FERMT1: variants seen among roughly 807,000 people sequenced by gnomAD.
FERMT1 encodes fermitin family homolog 1.
In FERMT1, 60 loss-of-function variants were observed where a neutral mutation model predicts 85.3. The observed-to-expected ratio is 0.70, with a 90% CI of 0.57 to 0.87. FERMT1 has a LOEUF of 0.87. Ranked by LOEUF, FERMT1 falls within the 40% of genes least tolerant of loss-of-function variation. The pLI is 0.00. For synonymous variants in FERMT1, 275 were observed against 301.1 expected, an observed-to-expected ratio of 0.91 and a Z score of 0.90; for missense variants, 701 against 818.9, an observed-to-expected ratio of 0.86 and a Z score of 1.76.
rs182847378 is a variant in FERMT1, at chr20:6,086,267, C to A, written c.1372-980G>T. ...TTCATATCACATCTGGTCTCTACGC[C>A]CAAAAGAAAATGATGAAAAAAATTA... is the stretch of plus-strand genomic sequence containing the variant. On this transcript the variant is annotated intron_variant, in intron 11 of 14. Coordinates refer to ENST00000217289, the MANE Select transcript of FERMT1 (RefSeq NM_017671.5). Among the ~76,000 whole-genome samples the A allele has an allele frequency of 5.6e-3, 852 of 152,202 alleles. 6 individuals are homozygous for A. The highest frequency in any genetic ancestry group is 0.019 in the African/African-American group (795 of 41,516).
At chr20:6,106,263 C>A (rs1032537918) in intron 6 of FERMT1, among the ~76,000 whole-genome samples, 6 of 152,074 alleles carry the variant, frequency 3.9e-5, no homozygotes, top group African/African-American at 1.4e-4. Flanking sequence ...TGAGCAGGAA[C>A]CTCTCCTTAG....
chr20:6,120,915 C>G (rs555118267), intron 1 of FERMT1, among the ~76,000 whole-genome samples: 1 of 152,112 alleles, frequency 6.6e-6, no homozygotes, highest in Middle Eastern at 3.2e-3. Context: ...TGGTAATATC[C>G]GAGGAACATT....
rs529395851 is a variant in FERMT1, at chr20:6,075,055, T to G, written c.*2118A>C. 3.3e-5 allele frequency: 5 copies of G among 151,754 alleles called. No individual in the cohort carries two copies. The highest frequency in any genetic ancestry group is 9.7e-5 in the African/African-American group (4 of 41,224). 9.4% of individuals were successfully genotyped at this position (151,754 alleles called of 1,614,324 possible). On this transcript the variant is annotated 3_prime_UTR_variant, in exon 15 of 15. Coordinates refer to ENST00000217289, the MANE Select transcript of FERMT1 (RefSeq NM_017671.5). ...AACAGTAGCATTTAGGTTTGTTTTT[T>G]TTTTTTTTTGTCACACTTGTTTATT...
chr20:6,082,315 A>T (rs6053890), intron 13 of FERMT1, among the ~76,000 whole-genome samples: 63,803 of 151,972 alleles, frequency 0.42, 13,712 homozygotes, highest in East Asian at 0.62. Context: ...AGGTTCGGAG[A>T]GCCCACTGGA....
rs1045240689 is a variant in FERMT1, at chr20:6,077,468, C to T, written c.1861-122G>A. On this transcript the variant is annotated intron_variant, in intron 14 of 14. Transcript: ENST00000217289. Reference sequence around the variant, plus strand: ...AGGTGGATAACAGATGGATATCCCTCTAAAACACACAGAAAACCATCACTT... The same window carrying T: ...AGGTGGATAACAGATGGATATCCCTTTAAAACACACAGAAAACCATCACTT... 5.0e-5 allele frequency: 43 copies of T among 856,940 alleles called. No individual in the cohort carries two copies. The South Asian group carries it at 5.1e-4, about 10-fold the overall frequency. 53.1% of individuals were successfully genotyped at this position (856,940 alleles called of 1,614,324 possible).
In FERMT1 at chr20:6,082,484, G is replaced by T. The variant is rs543654409; in HGVS notation, c.1718+1556C>A. Among the ~76,000 whole-genome samples, 3 of 152,312 alleles carry T rather than the reference G, an allele frequency of 2.0e-5. No individual in the cohort carries two copies. The South Asian group carries it at 6.2e-4, about 32-fold the overall frequency. On this transcript the variant is annotated intron_variant, in intron 13 of 14. Coordinates refer to ENST00000217289, the MANE Select transcript of FERMT1 (RefSeq NM_017671.5). ...TTCAGGGTTACAGGTGAGTGTGTGT[G>T]TGTCCGCACATGGACACATATGCGC...
chr20:6,110,654 T>C (rs113986512), intron 4 of FERMT1, 143 bp from the exon 5 acceptor site: 37 of 716,970 alleles, frequency 5.2e-5, no homozygotes, highest in African/African-American at 4.7e-4. Context: ...AGCTGGGCAC[T>C]GTGGCCCGCG....
intron 6 of FERMT1, among the ~76,000 whole-genome samples, chr20:6,103,377 G>A (rs544310509): frequency 2.0e-5 from 3 of 152,008 alleles, no homozygotes; most frequent in Non-Finnish European, 4.4e-5. Context: ...TATAATAACC[G>A]CCCCTGTATA....
At chr20:6,080,155 A>AT (rs869283207) in intron 13 of FERMT1, among the ~76,000 whole-genome samples, 8 of 150,848 alleles carry the variant, frequency 5.3e-5, no homozygotes, top group South Asian at 2.1e-4. Flanking sequence ...ACTTAAAAAA[A>AT]TTTTTTTTTT....
intron 9 of FERMT1, among the ~76,000 whole-genome samples, chr20:6,092,408 T>A (rs985800361): frequency 6.6e-6 from 1 of 152,090 alleles, no homozygotes; most frequent in Non-Finnish European, 1.5e-5. Flanking sequence ...CCAGGCATGG[T>A]GGCACATGCC....
chr20:6,096,930 A>T lies in FERMT1; in HGVS notation c.1061T>A (p.Leu354Gln). Reference sequence around the variant, plus strand: ...AAGGCTGTCCGCTTTTCCACCTTCTAGGGTTACTTCCAAATTAGAAAGCGC... The same window carrying T: ...AAGGCTGTCCGCTTTTCCACCTTCTTGGGTTACTTCCAAATTAGAAAGCGC... ...EAALSNLEVT[L>Q]EGGKADSLLE... Residue 354 changes from leucine (L) to glutamine (Q), a missense_variant, in exon 8 of 15, where the codon CTA becomes CAA. By Grantham distance (113) the Leu-to-Gln change is moderately radical. Transcript: ENST00000217289. 17 of 1,613,772 alleles carry T rather than the reference A, an allele frequency of 1.1e-5. No homozygotes were observed. Among genetic ancestry groups the T allele is most frequent in the Non-Finnish European group, 1.4e-5 (16 of 1,179,842 alleles).
intron 11 of FERMT1, among the ~76,000 whole-genome samples, chr20:6,086,723 G>A (rs1487820935): frequency 6.6e-6 from 1 of 152,042 alleles, no homozygotes; most frequent in Non-Finnish European, 1.5e-5. Context: ...AAAAGTGTGT[G>A]GCACTTCCCC....
intron 2 of FERMT1, among the ~76,000 whole-genome samples, chr20:6,117,176 C>A (rs1020138685): frequency 3.9e-5 from 6 of 152,146 alleles, no homozygotes; most frequent in African/African-American, 1.4e-4. Flanking sequence ...ATATTGGAGT[C>A]AATTTTCAAT....
At chr20:6,119,127 T>C (rs1202581880) in intron 2 of FERMT1, among the ~76,000 whole-genome samples, 2 of 152,118 alleles carry the variant, frequency 1.3e-5, no homozygotes, top group Non-Finnish European at 2.9e-5. Flanking sequence ...TTTGTGTTTT[T>C]AGTAGGGATG....
At chr20:6,086,156 G>T (rs1231747381) in intron 11 of FERMT1, among the ~76,000 whole-genome samples, 1 of 149,512 alleles carries the variant, frequency 6.7e-6, no homozygotes, top group Non-Finnish European at 1.5e-5. Context: ...AAAAAAAAAA[G>T]GTCCAAGGAC....
Position 6,078,186 on chromosome 20 carries a change from T to C in FERMT1, c.1861-840A>G, listed in dbSNP as rs150719613. ...GTTCCTCCTCCCAGAGATTCAGATT[T>C]AACTGGCCTTGGGTGTGGTCTAGGC... is the stretch of plus-strand genomic sequence containing the variant. On this transcript the variant is annotated intron_variant, in intron 14 of 14. Transcript: ENST00000217289. 2.7e-3 allele frequency among the ~76,000 whole-genome samples: 411 copies of C among 152,350 alleles called. 1 individual carries two copies. The highest frequency in any genetic ancestry group is 0.01 in the Middle Eastern group (3 of 294).
chr20:6,116,345 G>A (rs1399408620), intron 2 of FERMT1, among the ~76,000 whole-genome samples: 2 of 151,772 alleles, frequency 1.3e-5, no homozygotes, highest in Non-Finnish European at 2.9e-5. Context: ...TTCTGCACAT[G>A]TATCCCAGAA....
chr20:6,078,682 C>G (rs1981906136), intron 14 of FERMT1, among the ~76,000 whole-genome samples: 1 of 144,176 alleles, frequency 6.9e-6, no homozygotes, highest in Non-Finnish European at 1.5e-5. Flanking sequence ...GAGACAGGGT[C>G]TCATTATGTT....
chr20:6,094,767 C>G (rs1982456890), intron 9 of FERMT1, among the ~76,000 whole-genome samples, 172 bp downstream of exon 9: 1 of 152,122 alleles, frequency 6.6e-6, no homozygotes, highest in Non-Finnish European at 1.5e-5. Flanking sequence ...GGTCACCTAG[C>G]TGGTGTGTGT....
Sources: allele counts gnomAD v4.1 joint callset (sites outside exome capture counted in the v4.1 genomes callset), GRCh38; gene constraint gnomAD v4.1.1; transcripts MANE v1.5; gene names NCBI Gene and HGNC (gene_info 2026-07-23, HGNC 2026-07-21).